Variants in CDH13 observed in about 807,000 individuals in gnomAD.
CDH13 encodes cadherin 13, also known as cadherin-13.
A neutral mutation model predicts 63.8 loss-of-function variants in CDH13; 24 were observed. That is an observed-to-expected ratio of 0.38 (90% CI 0.27 to 0.53). The LOEUF (loss-of-function observed/expected upper bound fraction) is 0.53. Among genes scored for constraint, CDH13 ranks in the 20% least tolerant of loss-of-function variants. The pLI is 0.85. For synonymous variants in CDH13, 503 were observed against 355.3 expected, an observed-to-expected ratio of 1.42 and a Z score of -4.67; for missense variants, 1,049 against 903.1, an observed-to-expected ratio of 1.16 and a Z score of -2.07.
At chr16:83,407,439 G>T (rs2092064338) in intron 6 of CDH13, among the ~76,000 whole-genome samples, 1 of 152,126 alleles carries the variant, frequency 6.6e-6, no homozygotes, top group Non-Finnish European at 1.5e-5. Flanking sequence ...GAAATGTCCA[G>T]GCTGCTAAAG....
intron 6 of CDH13, among the ~76,000 whole-genome samples, chr16:83,409,124 CA>C (rs2092089547): frequency 6.6e-6 from 1 of 152,184 alleles, no homozygotes; most frequent in South Asian, 2.1e-4. Flanking sequence ...GGAAATAAGA[CA>C]GGGGAGGGAA....
intron 4 of CDH13, among the ~76,000 whole-genome samples, chr16:83,175,320 T>G (rs1389186223): frequency 2.0e-5 from 3 of 152,126 alleles, no homozygotes; most frequent in Non-Finnish European, 4.4e-5. Context: ...AAGTTATCAA[T>G]AGTTTATTAA....
At chr16:83,684,540 G>A (rs922968882) in intron 10 of CDH13, among the ~76,000 whole-genome samples, 3 of 152,184 alleles carry the variant, frequency 2.0e-5, no homozygotes, top group African/African-American at 7.2e-5. Context: ...TGAATAGCTG[G>A]GAGGACTCAC....
At chr16:82,779,695 C>A (rs1465217949) in intron 1 of CDH13, among the ~76,000 whole-genome samples, 1 of 152,142 alleles carries the variant, frequency 6.6e-6, no homozygotes, top group African/African-American at 2.4e-5. Context: ...CCACCAGAAC[C>A]AGATTGTTGG....
intron 7 of CDH13, among the ~76,000 whole-genome samples, chr16:83,548,894 G>T (rs564056890): frequency 6.6e-6 from 1 of 152,142 alleles, no homozygotes; most frequent in African/African-American, 2.4e-5. Flanking sequence ...AATAGACAAG[G>T]GTAAAAGAAA....
At chr16:83,632,952 T>A (rs1402421181) in intron 8 of CDH13, among the ~76,000 whole-genome samples, 1 of 151,852 alleles carries the variant, frequency 6.6e-6, no homozygotes, top group East Asian at 2.0e-4. Flanking sequence ...GGTAACTTCC[T>A]GATGTTACCA....
At chr16:82,756,932 C>T (rs1462043) in intron 1 of CDH13, among the ~76,000 whole-genome samples, 116,404 of 152,114 alleles carry the variant, frequency 0.77, 45,193 homozygotes, top group African/African-American at 0.9. Flanking sequence ...TGGGTCTTCT[C>T]TTGTCCCTTG....
At chr16:82,925,587 T>C (rs1382945466) in intron 2 of CDH13, among the ~76,000 whole-genome samples, 2 of 152,160 alleles carry the variant, frequency 1.3e-5, no homozygotes, top group Admixed American at 6.5e-5. Context: ...CAGATGAAGA[T>C]CAGGGGAAGG....
At chr16:82,752,627 C>T (rs1287816311) in intron 1 of CDH13, among the ~76,000 whole-genome samples, 1 of 152,178 alleles carries the variant, frequency 6.6e-6, no homozygotes, top group East Asian at 1.9e-4. Flanking sequence ...CTCAAACAAG[C>T]TTAAGAAAAG....
At chr16:83,035,202 A>C (rs1305790623) in intron 3 of CDH13, among the ~76,000 whole-genome samples, 1 of 152,204 alleles carries the variant, frequency 6.6e-6, no homozygotes, top group African/African-American at 2.4e-5. Flanking sequence ...TGCAGGTCCT[A>C]CTGTGTGCAG....
intron 4 of CDH13, among the ~76,000 whole-genome samples, chr16:83,201,896 C>A (rs1490442373): frequency 1.3e-5 from 2 of 152,146 alleles, no homozygotes; most frequent in African/African-American, 4.8e-5. Flanking sequence ...GCCTAGGCAA[C>A]AGAGCGAGAC....
At chr16:82,960,556 C>A (rs963722547) in intron 2 of CDH13, among the ~76,000 whole-genome samples, 2 of 152,140 alleles carry the variant, frequency 1.3e-5, no homozygotes, top group African/African-American at 4.8e-5. Flanking sequence ...TAGTCACAGG[C>A]AAAAGCTATC....
intron 6 of CDH13, among the ~76,000 whole-genome samples, chr16:83,387,131 A>C (rs1597893459): frequency 6.6e-6 from 1 of 152,194 alleles, no homozygotes; most frequent in Non-Finnish European, 1.5e-5. Flanking sequence ...TAGGTCAACC[A>C]AGTTACAATG....
chr16:83,551,933 T>C (rs1210368862), intron 7 of CDH13, among the ~76,000 whole-genome samples: 1 of 152,136 alleles, frequency 6.6e-6, no homozygotes, highest in Non-Finnish European at 1.5e-5. Context: ...GATGGATGGA[T>C]GGGTAGATAA....
At chr16:82,811,216 C>A (rs1046192269) in intron 1 of CDH13, among the ~76,000 whole-genome samples, 7 of 152,076 alleles carry the variant, frequency 4.6e-5, no homozygotes, top group African/African-American at 1.7e-4. Flanking sequence ...TCAGTGATGC[C>A]AAATTGGTAG....
intron 2 of CDH13, among the ~76,000 whole-genome samples, chr16:82,978,034 T>G (rs944344005): frequency 3.3e-5 from 5 of 152,152 alleles, no homozygotes; most frequent in African/African-American, 1.2e-4. Context: ...CTCGTTATGT[T>G]TTAGCACAGG....
At chr16:83,388,315 A>G (rs1451890476) in intron 6 of CDH13, among the ~76,000 whole-genome samples, 3 of 150,750 alleles carry the variant, frequency 2.0e-5, no homozygotes, top group East Asian at 2.0e-4. Context: ...TTAGCCAGGC[A>G]TGGTGGTAAT....
intron 1 of CDH13, among the ~76,000 whole-genome samples, chr16:82,753,161 A>G (rs1206797775): frequency 6.6e-6 from 1 of 152,212 alleles, no homozygotes; most frequent in African/African-American, 2.4e-5. Context: ...GAGTCCATGG[A>G]AACAGCCTCT....
chr16:82,831,450 A>G (rs898417931), intron 1 of CDH13, among the ~76,000 whole-genome samples: 2 of 152,088 alleles, frequency 1.3e-5, no homozygotes, highest in African/African-American at 2.4e-5. Flanking sequence ...TGGCATAACT[A>G]TTGCTTAATA....
Sources: gnomAD v4.1 joint callset for allele counts (sites outside exome capture counted in the v4.1 genomes callset) on GRCh38, gnomAD v4.1.1 for gene constraint, MANE v1.5 for transcripts, NCBI Gene and HGNC (gene_info 2026-07-23, HGNC 2026-07-21) for gene names.